The following EYA2 variants were observed in gnomAD, a reference collection of about 807,000 sequenced individuals.
EYA2 encodes the protein EYA transcriptional coactivator and phosphatase 2, also known as protein phosphatase EYA2.
Under a neutral mutation model 69.2 loss-of-function variants are expected in EYA2, and 31 were observed. The observed-to-expected ratio is 0.45, with a 90% CI of 0.34 to 0.60. The LOEUF is 0.60. Ranked by LOEUF, EYA2 falls within the 20% of genes least tolerant of loss-of-function variation. The pLI is 0.02. For missense variants in EYA2, 622 were observed against 701.2 expected (o/e 0.89, Z 1.28); for synonymous variants, 257 against 279.4 (o/e 0.92, Z 0.80).
intron 10 of EYA2, among the ~76,000 whole-genome samples, chr20:47,148,995 G>A (rs1407488265): frequency 2.6e-5 from 4 of 151,880 alleles, no homozygotes; most frequent in African/African-American, 4.8e-5. Flanking sequence ...CCTGCCCTGT[G>A]AGAAGAAGAG....
chr20:47,000,912 A>G (rs1000773253), intron 2 of EYA2, among the ~76,000 whole-genome samples: 1 of 152,130 alleles, frequency 6.6e-6, no homozygotes, highest in Non-Finnish European at 1.5e-5. Context: ...CATCAAAGCC[A>G]TGTCATTAGA....
intron 5 of EYA2, among the ~76,000 whole-genome samples, chr20:47,051,171 C>T (rs2030311053): frequency 6.6e-6 from 1 of 152,262 alleles, no homozygotes; most frequent in Admixed American, 6.5e-5. Context: ...TGAGCACTGG[C>T]TGCCAAGGAC....
intron 7 of EYA2, among the ~76,000 whole-genome samples, chr20:47,088,313 C>T (rs1432850488): frequency 1.3e-4 from 20 of 152,362 alleles, no homozygotes; most frequent in East Asian, 1.9e-4. Context: ...CCTTCCCATG[C>T]AGCCCCCGTT....
In EYA2 at chr20:46,898,631, C is replaced by A. The variant is rs547460648; in HGVS notation, c.-11+3644C>A. Among the ~76,000 whole-genome samples, 99 of 152,234 alleles carry A rather than the reference C, an allele frequency of 6.5e-4. 1 individual carries two copies. The highest frequency in any genetic ancestry group is 2.3e-3 in the African/African-American group (97 of 41,546). ...TGCTTCGTTTTCACTGTTTGAAGAT[C>A]GTAACTGGCCTAATGGTGTTTGACT... On this transcript the variant is annotated intron_variant, in intron 1 of 15. Coordinates refer to ENST00000327619, the MANE Select transcript of EYA2 (RefSeq NM_005244.5).
intron 1 of EYA2, among the ~76,000 whole-genome samples, chr20:46,948,096 T>C (rs1978572957): frequency 8.0e-6 from 1 of 124,492 alleles, no homozygotes. Context: ...GGCAGCAGAG[T>C]GAGACCTTGT....
chr20:47,005,985 T>C (rs1236231430), intron 4 of EYA2, among the ~76,000 whole-genome samples: 1 of 152,238 alleles, frequency 6.6e-6, no homozygotes, highest in African/African-American at 2.4e-5. Context: ...TGGAAAAACC[T>C]AGGGCACTGG....
chr20:46,913,663 T>A (rs538687847), intron 1 of EYA2, among the ~76,000 whole-genome samples: 1 of 152,196 alleles, frequency 6.6e-6, no homozygotes, highest in Admixed American at 6.5e-5. Flanking sequence ...GATATGCTTT[T>A]AAGATAGAGC....
chr20:47,092,121 G>A (rs888610345), intron 8 of EYA2, among the ~76,000 whole-genome samples: 2 of 152,194 alleles, frequency 1.3e-5, no homozygotes, highest in African/African-American at 4.8e-5. Flanking sequence ...TATTTAGCCA[G>A]TGGTCCCTAG....
intron 10 of EYA2, among the ~76,000 whole-genome samples, chr20:47,156,624 T>G (rs965660595): frequency 2.0e-5 from 3 of 151,894 alleles, no homozygotes; most frequent in African/African-American, 4.8e-5. Context: ...TATGTCACTG[T>G]GTTAACACTG....
At chr20:46,939,032 A>G (rs998856854) in intron 1 of EYA2, among the ~76,000 whole-genome samples, 2 of 152,154 alleles carry the variant, frequency 1.3e-5, no homozygotes, top group African/African-American at 2.4e-5. Flanking sequence ...TGACATAAGA[A>G]CAGGTTGATT....
intron 10 of EYA2, among the ~76,000 whole-genome samples, chr20:47,147,940 T>C (rs2033736213): frequency 6.6e-6 from 1 of 151,252 alleles, no homozygotes; most frequent in Non-Finnish European, 1.5e-5. Flanking sequence ...GCGCCTGTAA[T>C]CCCAGCTACC....
chr20:46,917,193 TA>T (rs1479384720), intron 1 of EYA2, among the ~76,000 whole-genome samples: 1 of 152,234 alleles, frequency 6.6e-6, no homozygotes, highest in African/African-American at 2.4e-5. Context: ...TGCTTTTGCA[TA>T]ATTTTGTCTC....
At chr20:46,944,399 G>A (rs1158886084) in intron 1 of EYA2, among the ~76,000 whole-genome samples, 1 of 152,158 alleles carries the variant, frequency 6.6e-6, no homozygotes, top group African/African-American at 2.4e-5. Flanking sequence ...TCCTCACCTG[G>A]GCAGTGGGAA....
chr20:47,185,091 G>A (rs925367480), intron 15 of EYA2, among the ~76,000 whole-genome samples: 4 of 152,068 alleles, frequency 2.6e-5, no homozygotes, highest in African/African-American at 9.7e-5. Flanking sequence ...GCAGGACCAG[G>A]GGCCTTGACT....
chr20:47,064,584 A>G (rs192699660), intron 5 of EYA2, among the ~76,000 whole-genome samples: 33 of 152,314 alleles, frequency 2.2e-4, no homozygotes, highest in Admixed American at 1.9e-3. Flanking sequence ...CTTTTTATGC[A>G]CCGTTTTACA....
chr20:47,045,054 G>A (rs1380281027), intron 5 of EYA2, among the ~76,000 whole-genome samples: 1 of 152,196 alleles, frequency 6.6e-6, no homozygotes, highest in Non-Finnish European at 1.5e-5. Flanking sequence ...GGTGATTGCT[G>A]TGTAACAAAA....
At chr20:47,037,679 C>T (rs757401053) in intron 5 of EYA2, among the ~76,000 whole-genome samples, 91 of 152,172 alleles carry the variant, frequency 6.0e-4, no homozygotes, top group Non-Finnish European at 1.2e-3. Context: ...CTCAAGCCAG[C>T]TACAGTGGGT....
chr20:47,161,711 A>G (rs948258251), intron 10 of EYA2: 2 of 189,450 alleles, frequency 1.1e-5, no homozygotes, highest in Non-Finnish European at 2.2e-5. Flanking sequence ...ATCCCCCAAA[A>G]CCGGATGTTT....
At chr20:47,032,985 T>C (rs1984502719) in intron 5 of EYA2, among the ~76,000 whole-genome samples, 2 of 152,118 alleles carry the variant, frequency 1.3e-5, no homozygotes, top group African/African-American at 4.8e-5. Flanking sequence ...CCCCTTCCAA[T>C]TCCCGCAGCA....
Sources: allele counts gnomAD v4.1 joint callset (sites outside exome capture counted in the v4.1 genomes callset), GRCh38; gene constraint gnomAD v4.1.1; transcripts MANE v1.5; gene names NCBI Gene and HGNC (gene_info 2026-07-23, HGNC 2026-07-21).